PDCD6: variants seen among roughly 807,000 people sequenced by gnomAD.
PDCD6 encodes the protein programmed cell death 6, also known as programmed cell death protein 6.
In PDCD6, 12 loss-of-function variants were observed where a neutral mutation model predicts 28.3. That is an observed-to-expected ratio of 0.42 (90% CI 0.27 to 0.69). PDCD6 has a LOEUF of 0.69. Ranked by LOEUF, PDCD6 falls within the 30% of genes least tolerant of loss-of-function variation. The pLI is 0.22. For missense variants in PDCD6, 226 were observed against 269.9 expected (o/e 0.84, Z 1.14); for synonymous variants, 92 against 108.0 (o/e 0.85, Z 0.92).
chr5:306,345 C>T (rs1190858652), intron 3 of PDCD6: 4 of 439,020 alleles, frequency 9.1e-6, no homozygotes, highest in African/African-American at 5.9e-5. Context: ...GCCTGCCTCA[C>T]AGCTGCAAGT....
intron 2 of PDCD6, chr5:276,625 A>G: frequency 4.1e-6 from 4 of 981,098 alleles, no homozygotes; most frequent in Non-Finnish European, 4.8e-6. Context: ...TTGTGCTCCC[A>G]GATTGGGCTT....
At chr5:288,040 C>T (rs530683199) in intron 2 of PDCD6, among the ~76,000 whole-genome samples, 180 of 152,202 alleles carry the variant, frequency 1.2e-3, no homozygotes, top group Middle Eastern at 6.8e-3. Flanking sequence ...GTTTCTCAGG[C>T]ACCTCAGAAG....
chr5:288,894 T>C (rs1213392153), intron 2 of PDCD6: 13 of 1,568,576 alleles, frequency 8.3e-6, no homozygotes, highest in Non-Finnish European at 9.5e-6. Flanking sequence ...CATGGATGAT[T>C]CTGAAAGAAT....
At chr5:310,289 T>G (rs1370454620) in intron 4 of PDCD6, 1 of 157,468 alleles carries the variant, frequency 6.4e-6, no homozygotes, top group African/African-American at 2.4e-5. Flanking sequence ...CCCCTGAACT[T>G]AAATGACAGA....
At chr5:272,645 A>G (rs369905156) in intron 1 of PDCD6, 66 bp from the exon 2 acceptor site, 18,255 of 1,491,134 alleles carry the variant, frequency 0.012, 401 homozygotes, top group East Asian at 0.022. Flanking sequence ...GGGTTGACAG[A>G]AGACGTTTGT....
chr5:271,951 C>T (rs368194698), intron 1 of PDCD6, 130 bp downstream of exon 1: 4 of 378,208 alleles, frequency 1.1e-5, no homozygotes, highest in South Asian at 5.8e-5. Context: ...GTCGGGTCCC[C>T]CGCGGCCCCC....
At chr5:286,701 G>A (rs1462061520) in intron 2 of PDCD6, among the ~76,000 whole-genome samples, 1 of 151,604 alleles carries the variant, frequency 6.6e-6, no homozygotes, top group Non-Finnish European at 1.5e-5. Flanking sequence ...CTGGAGACCT[G>A]GGGAGGAGCT....
chr5:278,599 G>A (rs1325200831), intron 2 of PDCD6, among the ~76,000 whole-genome samples: 10 of 151,610 alleles, frequency 6.6e-5, no homozygotes, highest in African/African-American at 2.2e-4. Flanking sequence ...TGTAGTCCCA[G>A]CCACTGGGGA....
chr5:289,399 T>A (rs1354894299), intron 2 of PDCD6: 24 of 641,408 alleles, frequency 3.7e-5, no homozygotes, highest in South Asian at 2.4e-4. Context: ...TTACAGATGG[T>A]CTCTCAATAC....
rs199941631 is a variant in PDCD6 at position 272,771 on chromosome 5, C to T, written c.162C>T (p.Asn54=). The change falls in exon 2 of 6, where the codon AAC becomes AAT. Residue 54 remains asparagine (N), a splice_region_variant and synonymous_variant. Coordinates refer to ENST00000264933, the MANE Select transcript of PDCD6 (RefSeq NM_013232.4). ...SDTELQQALS[N]GTWTPFNPVT... ...CCGAGCTTCAGCAAGCTCTCTCCAA[C>T]GGTGAGTGGGCCAGTGGGAACTGGG... 2.5e-6 allele frequency: 4 copies of T among 1,584,058 alleles called. No individual in the cohort carries two copies. The highest frequency in any genetic ancestry group is 2.2e-5 in the East Asian group (1 of 44,808).
rs1290645435 is a variant in PDCD6 at position 278,654 on chromosome 5, A to G, written c.163+5882A>G. 2.0e-5 allele frequency among the ~76,000 whole-genome samples: 3 copies of G among 151,746 alleles called. 1 individual carries two copies. The highest frequency in any genetic ancestry group is 4.4e-5 in the Non-Finnish European group (3 of 67,948). On this transcript the variant is annotated intron_variant, in intron 2 of 5. Coordinates refer to ENST00000264933, the MANE Select transcript of PDCD6 (RefSeq NM_013232.4). ...CTTCAGCCTAGGAGGTGAAGGTTGC[A>G]GTAAACCGAGATCGTGCCATTGCAC...
At chr5:311,468 A>G in intron 5 of PDCD6, 66 bp downstream of exon 5, 2 of 1,029,528 alleles carry the variant, frequency 1.9e-6, no homozygotes, top group Admixed American at 3.6e-5. Context: ...AGCGTGATGC[A>G]CCTGACCTTC....
chr5:312,407 A>C (rs1048091247), intron 5 of PDCD6: 2 of 152,220 alleles, frequency 1.3e-5, no homozygotes, highest in South Asian at 2.1e-4. Flanking sequence ...AATAATGTGG[A>C]AATTTGGAAA....
intron 2 of PDCD6, chr5:289,154 C>T: frequency 9.4e-7 from 1 of 1,065,726 alleles, no homozygotes; most frequent in Non-Finnish European, 1.4e-6. Flanking sequence ...TCATAAAAGA[C>T]TCTAAAAATA....
At chr5:299,851 T>A (rs1451364203) in intron 2 of PDCD6, among the ~76,000 whole-genome samples, 1 of 136,282 alleles carries the variant, frequency 7.3e-6, no homozygotes, top group Non-Finnish European at 1.5e-5. Flanking sequence ...GCCCAGCTGG[T>A]ATTTTTTTTT....
chr5:288,858 A>G (rs1739150753), intron 2 of PDCD6: 5 of 1,507,598 alleles, frequency 3.3e-6, no homozygotes, highest in Middle Eastern at 3.5e-4. Flanking sequence ...TTCATCGGTG[A>G]CTTCTGTGGC....
chr5:282,298 G>A (rs1164472899), intron 2 of PDCD6, among the ~76,000 whole-genome samples: 3 of 137,648 alleles, frequency 2.2e-5, no homozygotes, highest in African/African-American at 2.8e-5. Context: ...GATGTTGTTC[G>A]CGTTGAGGGT....
rs1440877194 is a variant in PDCD6, at chr5:307,283, GCGCC to G, written c.367+524_367+527del. 1.2e-4 allele frequency among the ~76,000 whole-genome samples: 14 copies of G among 115,236 alleles called. No homozygotes were observed. Among genetic ancestry groups the G allele is most frequent in the African/African-American group, 6.2e-4 (14 of 22,414 alleles). The allele number at this position is 115,236 out of a possible 152,430, so 75.6% of individuals were successfully genotyped here. ...GCGTGTGTGTGCACACGTGTGCCGTGCGCCTCAGAAGGGGCGTTAGGCAGAACGC... is the reference window on the plus strand; with the variant it reads ...GCGTGTGTGTGCACACGTGTGCCGTGTCAGAAGGGGCGTTAGGCAGAACGC... On this transcript the variant is annotated intron_variant, in intron 4 of 5. Transcript: ENST00000264933. The surrounding 1 kb of genome is among the most constrained non-coding windows in gnomAD (Gnocchi z 6.1).
In PDCD6 at chr5:314,568, G is replaced by GATAGGAACTGTGACA; in HGVS notation, c.*53_*54insATAGGAACTGTGACA. The GATAGGAACTGTGACA allele has an allele frequency of 1.6e-6, 2 of 1,266,128 alleles. No homozygotes were observed. The highest frequency in any genetic ancestry group is 2.3e-6 in the Non-Finnish European group (2 of 865,348). 78.4% of individuals were successfully genotyped at this position (1,266,128 alleles called of 1,614,324 possible). On this transcript the variant is annotated 3_prime_UTR_variant, in exon 6 of 6. Coordinates refer to ENST00000264933, the MANE Select transcript of PDCD6 (RefSeq NM_013232.4). Reference sequence around the variant, plus strand: ...ACATGGAAAGAGCCAAAATGTCACAGTTCCTATCTGTGAGGGAATGGAGCA... The same window carrying GATAGGAACTGTGACA: ...ACATGGAAAGAGCCAAAATGTCACAGATAGGAACTGTGACATTCCTATCTGTGAGGGAATGGAGCA...
Sources: allele counts gnomAD v4.1 joint callset (sites outside exome capture counted in the v4.1 genomes callset), GRCh38; gene constraint gnomAD v4.1.1; non-coding constraint Gnocchi (gnomAD v3.1); transcripts MANE v1.5; gene names NCBI Gene and HGNC (gene_info 2026-07-23, HGNC 2026-07-21).